ACCSL: variants seen among roughly 807,000 people sequenced by gnomAD.
ACCSL encodes probable inactive 1-aminocyclopropane-1-carboxylate synthase-like protein 2.
ACCSL carries 55 observed loss-of-function variants against 61.7 expected under a neutral mutation model. The ratio of observed to expected loss-of-function variants is 0.89; its 90% confidence interval spans 0.72 to 1.12. The LOEUF is 1.12. Among genes scored for constraint, ACCSL ranks in the 50% most tolerant of loss-of-function variants. The pLI is 0.00. For synonymous variants in ACCSL, 258 were observed against 264.3 expected, an observed-to-expected ratio of 0.98 and a Z score of 0.23; for missense variants, 632 against 698.0, an observed-to-expected ratio of 0.91 and a Z score of 1.07.
At chr11:43,935,468 C>G in the ACCSL span, among the ~76,000 whole-genome samples, 1 of 152,178 alleles carries the variant, frequency 6.6e-6, no homozygotes. Context: ...GTGCTCAGCA[C>G]TTAGTGTAGC....
At chr11:43,978,903 T>A in the ACCSL span, among the ~76,000 whole-genome samples, 1 of 151,792 alleles carries the variant, frequency 6.6e-6, no homozygotes, top group African/African-American at 2.4e-5. Context: ...TTTTCATTTT[T>A]TAATTACTTG....
chr11:43,991,086 A>T, the ACCSL span, among the ~76,000 whole-genome samples: 1 of 152,132 alleles, frequency 6.6e-6, no homozygotes, highest in Non-Finnish European at 1.5e-5. Context: ...AGAAAAAAAA[A>T]AAAGTCTGAT....
At chr11:43,954,860 C>T in the ACCSL span, among the ~76,000 whole-genome samples, 2 of 152,182 alleles carry the variant, frequency 1.3e-5, no homozygotes, top group Non-Finnish European at 2.9e-5. Context: ...GCTGGAATTA[C>T]AGGCGTGAGC....
rs1184032151 is a variant in ACCSL, at chr11:44,058,206, AAAAC to A, written c.1328-98_1328-95del. 1.8e-5 allele frequency: 24 copies of A among 1,329,112 alleles called. 1 individual carries two copies. The highest frequency in any genetic ancestry group is 1.2e-4 in the Admixed American group (5 of 40,370). The allele number at this position is 1,329,112 out of a possible 1,614,324, so 82.3% of individuals were successfully genotyped here. A position where few individuals can be genotyped will look rare whatever the true frequency, so the allele number is the denominator to read the frequency against. On this transcript the variant is annotated intron_variant, in intron 11 of 13. Coordinates refer to ENST00000378832, the MANE Select transcript of ACCSL (RefSeq NM_001031854.2). The stretch of plus-strand genomic sequence containing the variant: ...TTTTTAAAAACAGACAAACAAAACA[AAAAC>A]AAACAAACAAACTTGCATGAAGCCC...
the ACCSL span, among the ~76,000 whole-genome samples, chr11:44,013,332 T>C: frequency 6.6e-6 from 1 of 152,188 alleles, no homozygotes; most frequent in Non-Finnish European, 1.5e-5. Flanking sequence ...GGAGCTGGAG[T>C]GCAGTGGCGC....
the ACCSL span, among the ~76,000 whole-genome samples, chr11:43,960,074 G>A: frequency 6.6e-6 from 1 of 152,112 alleles, no homozygotes; most frequent in East Asian, 1.9e-4. Context: ...CTTCTAGGGG[G>A]CATTCGGACA....
At chr11:44,015,909 C>T in the ACCSL span, among the ~76,000 whole-genome samples, 1 of 152,252 alleles carries the variant, frequency 6.6e-6, no homozygotes, top group East Asian at 1.9e-4. Context: ...AATGAAAATG[C>T]CTGGCATGTA....
chr11:43,973,337 T>A, the ACCSL span, among the ~76,000 whole-genome samples: 2 of 152,208 alleles, frequency 1.3e-5, no homozygotes, highest in East Asian at 3.8e-4. Flanking sequence ...GTGTGAGTGT[T>A]CTATTTATGG....
At chr11:43,976,502 A>G in the ACCSL span, among the ~76,000 whole-genome samples, 5 of 152,260 alleles carry the variant, frequency 3.3e-5, no homozygotes, top group Non-Finnish European at 5.9e-5. Context: ...AGCTGGTATA[A>G]CAAACAGAGT....
At chr11:44,029,271 C>A in the ACCSL span, among the ~76,000 whole-genome samples, 2 of 152,236 alleles carry the variant, frequency 1.3e-5, no homozygotes, top group Admixed American at 1.3e-4. Context: ...CTGAGTACTC[C>A]CCTCCAGCCA....
the ACCSL span, among the ~76,000 whole-genome samples, chr11:43,966,518 A>C: frequency 6.6e-6 from 1 of 152,152 alleles, no homozygotes; most frequent in Non-Finnish European, 1.5e-5. Context: ...ATGGGAGAAA[A>C]TATTTGCAAA....
At chr11:43,942,117 G>C in the ACCSL span, 3 of 154,736 alleles carry the variant, frequency 1.9e-5, no homozygotes, top group African/African-American at 4.8e-5. Context: ...GGATCCAGAA[G>C]GGGAGCCCAC....
chr11:43,934,476 G>A, the ACCSL span, among the ~76,000 whole-genome samples: 573 of 152,108 alleles, frequency 3.8e-3, 2 homozygotes, highest in African/African-American at 0.013. Context: ...ACACACACAC[G>A]CGCACACACA....
the ACCSL span, among the ~76,000 whole-genome samples, chr11:43,947,439 C>T: frequency 3.9e-5 from 6 of 152,168 alleles, no homozygotes; most frequent in Non-Finnish European, 8.8e-5. Flanking sequence ...CACAGGCATT[C>T]CAAGGTGGCA....
the ACCSL span, among the ~76,000 whole-genome samples, chr11:44,027,379 T>C: frequency 6.6e-6 from 1 of 152,256 alleles, no homozygotes; most frequent in Admixed American, 6.5e-5. Flanking sequence ...TAGCCGCCTA[T>C]AGAATCTTCC....
chr11:43,933,821 C>T, the ACCSL span, among the ~76,000 whole-genome samples: 1 of 151,794 alleles, frequency 6.6e-6, no homozygotes, highest in Non-Finnish European at 1.5e-5. Context: ...AGTCTCCCTG[C>T]CCCTGACTCC....
chr11:44,049,419 CAAAAAAAAAAAA>C (rs33944147), intron 1 of ACCSL, among the ~76,000 whole-genome samples: 2 of 33,950 alleles, frequency 5.9e-5, no homozygotes, highest in East Asian at 9.8e-4. Context: ...GACCCTGTCT[CAAAAAAAAAAAA>C]AAAAAAAAAA....
At chr11:43,991,332 A>T in the ACCSL span, among the ~76,000 whole-genome samples, 2 of 152,372 alleles carry the variant, frequency 1.3e-5, no homozygotes, top group African/African-American at 4.8e-5. Context: ...GAGATCACAG[A>T]AACCTGCCTC....
chr11:43,981,104 C>CAA, the ACCSL span, among the ~76,000 whole-genome samples: 2 of 152,076 alleles, frequency 1.3e-5, no homozygotes, highest in Non-Finnish European at 2.9e-5. Context: ...GGAAAACAAA[C>CAA]AAACAAACAA....
Sources: allele counts gnomAD v4.1 joint callset (sites outside exome capture counted in the v4.1 genomes callset), GRCh38; gene constraint gnomAD v4.1.1; transcripts MANE v1.5; gene names NCBI Gene and HGNC (gene_info 2026-07-23, HGNC 2026-07-21).